The following UGGT2 variants were observed in gnomAD, a reference collection of about 807,000 sequenced individuals.
UGGT2 encodes the protein UDP-glucose glycoprotein glucosyltransferase 2.
In UGGT2, 180 loss-of-function variants were observed where a neutral mutation model predicts 192.1. The observed-to-expected ratio is 0.94, with a 90% CI of 0.83 to 1.06. UGGT2 has a LOEUF of 1.06. Ranked by LOEUF, UGGT2 falls within the 50% of genes least tolerant of loss-of-function variation. The probability of loss-of-function intolerance (pLI) is 0.00; values close to 1 mark genes in which losing one functional copy is unlikely to be tolerated. For synonymous variants in UGGT2, 580 were observed against 591.0 expected (o/e 0.98, Z 0.27); for missense variants, 1,849 against 1,795.7 (o/e 1.03, Z -0.54).
intron 37 of UGGT2, among the ~76,000 whole-genome samples, chr13:95,836,545 T>C (rs1887308874): frequency 1.3e-5 from 2 of 152,212 alleles, no homozygotes; most frequent in South Asian, 4.1e-4. Context: ...AAGGTGTTTA[T>C]GCTAAACACT....
chr13:95,842,928 G>C (rs1297210907), intron 36 of UGGT2, among the ~76,000 whole-genome samples: 2 of 152,096 alleles, frequency 1.3e-5, no homozygotes, highest in African/African-American at 4.8e-5. Flanking sequence ...GCAGAACACT[G>C]AGCTAGGTCA....
At chr13:95,896,794 G>A (rs551606180) in intron 22 of UGGT2, among the ~76,000 whole-genome samples, 1 of 152,112 alleles carries the variant, frequency 6.6e-6, no homozygotes, top group Non-Finnish European at 1.5e-5. Context: ...TGTCCAAGTT[G>A]GGTAAAAGAA....
At chr13:96,051,348 G>A (rs1020207085) in intron 1 of UGGT2, among the ~76,000 whole-genome samples, 2 of 152,072 alleles carry the variant, frequency 1.3e-5, no homozygotes, top group Non-Finnish European at 2.9e-5. Context: ...TGGGGGAGCG[G>A]GGGATAGCAT....
intron 6 of UGGT2, among the ~76,000 whole-genome samples, chr13:95,997,083 T>C (rs2051646785): frequency 6.6e-6 from 1 of 152,190 alleles, no homozygotes; most frequent in South Asian, 2.1e-4. Flanking sequence ...TCTGAATCTC[T>C]AGGACTATAA....
intron 12 of UGGT2, among the ~76,000 whole-genome samples, chr13:95,952,034 G>C (rs1424163872): frequency 6.7e-6 from 1 of 149,120 alleles, no homozygotes; most frequent in Non-Finnish European, 1.5e-5. Context: ...CTCCAGCCTG[G>C]GCAATAGAGC....
At chr13:95,946,188 C>G (rs2049861912) in intron 15 of UGGT2, among the ~76,000 whole-genome samples, 1 of 152,158 alleles carries the variant, frequency 6.6e-6, no homozygotes, top group Admixed American at 6.6e-5. Context: ...CTTACTATCT[C>G]TTGTTCTTCC....
At chr13:95,991,224 T>C (rs2051448181) in intron 7 of UGGT2, 3 of 241,690 alleles carry the variant, frequency 1.2e-5, no homozygotes, top group Admixed American at 9.3e-5. Context: ...TTTATAATCC[T>C]TTGGGTATAC....
intron 20 of UGGT2, among the ~76,000 whole-genome samples, chr13:95,923,894 CTTTGAT>C (rs1331857844): frequency 6.6e-6 from 1 of 152,014 alleles, no homozygotes; most frequent in Non-Finnish European, 1.5e-5. Context: ...CCTTGTTAGT[CTTTGAT>C]TTTATGTACT....
At position 95,927,065 on chromosome 13, in the gene UGGT2, AG is replaced by A; in HGVS notation, c.2162del (p.Ala721ValfsTer2). ...FFFLDSQDKSAVIAKNMYYLT... is the reference protein window; with the variant it reads ...FFFLDSQDKSXVIAKNMYYLT... ...AATAATACATGTTCTTTGCAATTAC[AG>A]CACTCTTATCTTGTGAATCCAAGAA... On this transcript the variant is annotated frameshift_variant, in exon 19 of 39. Coordinates refer to ENST00000376747, the MANE Select transcript of UGGT2 (RefSeq NM_020121.4). LOFTEE classifies it high-confidence loss of function. 1 of 1,611,108 alleles carries A rather than the reference AG, an allele frequency of 6.2e-7. No homozygotes were observed. Among genetic ancestry groups the A allele is most frequent in the South Asian group, 1.1e-5 (1 of 90,434 alleles).
At chr13:95,824,090 T>C (rs1273302301) in intron 38 of UGGT2, among the ~76,000 whole-genome samples, 21 of 152,114 alleles carry the variant, frequency 1.4e-4, no homozygotes, top group Admixed American at 1.4e-3. Flanking sequence ...TAACAGTTAT[T>C]CTGTTTAAGG....
chr13:95,888,163 G>C (rs982924917), intron 25 of UGGT2, among the ~76,000 whole-genome samples, 192 bp from the exon 26 acceptor site: 5 of 152,130 alleles, frequency 3.3e-5, no homozygotes, highest in African/African-American at 1.2e-4. Flanking sequence ...GAAACTCACA[G>C]CACAGGCAAG....
At chr13:96,030,052 A>C (rs3782989) in intron 2 of UGGT2, among the ~76,000 whole-genome samples, 56,461 of 152,072 alleles carry the variant, frequency 0.37, 10,949 homozygotes, top group Middle Eastern at 0.44. Flanking sequence ...TGAGGACAAC[A>C]GACAGTAATT....
chr13:95,959,983 C>A (rs540690440), intron 12 of UGGT2, among the ~76,000 whole-genome samples: 61 of 152,308 alleles, frequency 4.0e-4, no homozygotes, highest in Non-Finnish European at 7.6e-4. Context: ...ACCTAGCAAA[C>A]AGAGACACCA....
intron 11 of UGGT2, among the ~76,000 whole-genome samples, chr13:95,971,589 A>C (rs1221191305): frequency 6.6e-6 from 1 of 152,234 alleles, no homozygotes; most frequent in East Asian, 1.9e-4. Context: ...AAACTTTCTA[A>C]AATCTACATA....
intron 12 of UGGT2, among the ~76,000 whole-genome samples, chr13:95,965,065 G>A (rs1594455614): frequency 3.3e-5 from 5 of 150,690 alleles, no homozygotes; most frequent in Admixed American, 3.3e-4. Flanking sequence ...CAGTTAGAAT[G>A]GCGATCATTA....
chr13:95,841,464 G>T (rs1887856088), intron 36 of UGGT2, among the ~76,000 whole-genome samples: 1 of 152,184 alleles, frequency 6.6e-6, no homozygotes, highest in African/African-American at 2.4e-5. Flanking sequence ...ACATGGAGCA[G>T]TGAGGGAGGA....
In UGGT2 at chr13:95,947,178, A is replaced by G. The variant is rs1229329327; in HGVS notation, c.1542-6T>C. 2 of 1,590,352 alleles carry G rather than the reference A, an allele frequency of 1.3e-6. No individual in the cohort carries two copies. The highest frequency in any genetic ancestry group is 1.2e-5 in the South Asian group (1 of 86,354). On this transcript the variant is annotated splice_region_variant and splice_polypyrimidine_tract_variant and intron_variant, in intron 14 of 38. Coordinates refer to ENST00000376747, the MANE Select transcript of UGGT2 (RefSeq NM_020121.4). ...GAATGAACACAAAACCAATTCTGGA[A>G]AAAGAAGATGAACAAGGACTGTTAT...
Position 96,013,370 on chromosome 13 carries a change from G to A in UGGT2, c.597C>T (p.His199=). The A allele has an allele frequency of 6.2e-7, 1 of 1,608,284 alleles. No homozygotes were observed. The highest frequency in any genetic ancestry group is 1.1e-5 in the South Asian group (1 of 89,398). ...TTTGAGCTTTTTCAGACAATACTTT[G>A]TGAAATGCACTAAATGTTCTAGTAC... ...EMGTRTFSAF[H]KVLSEKAQNE... is the part of the protein sequence containing the mutation. The change falls in exon 5 of 39, where the codon CAC becomes CAT. Residue 199 remains histidine, a synonymous_variant. Coordinates refer to ENST00000376747, the MANE Select transcript of UGGT2 (RefSeq NM_020121.4).
intron 24 of UGGT2, among the ~76,000 whole-genome samples, chr13:95,892,480 GTTAA>G (rs1459052182): frequency 4.6e-5 from 7 of 152,118 alleles, no homozygotes; most frequent in Non-Finnish European, 8.8e-5. Flanking sequence ...CACAGTGACA[GTTAA>G]TTAATTATTA....
Sources: allele counts gnomAD v4.1 joint callset (sites outside exome capture counted in the v4.1 genomes callset), GRCh38; gene constraint gnomAD v4.1.1; transcripts MANE v1.5; gene names NCBI Gene and HGNC (gene_info 2026-07-23, HGNC 2026-07-21).